The following NLRP11 variants were observed in gnomAD, a reference collection of about 807,000 sequenced individuals.
NLRP11 encodes the protein NLR family pyrin domain containing 11, also known as NACHT, LRR and PYD domains-containing protein 11.
Under a neutral mutation model 79.3 loss-of-function variants are expected in NLRP11, and 53 were observed. The ratio of observed to expected loss-of-function variants is 0.67; its 90% CI spans 0.54 to 0.84. The LOEUF is 0.84. Among genes scored for constraint, NLRP11 ranks in the 40% least tolerant of loss-of-function variants. The pLI is 0.00. For synonymous variants in NLRP11, 518 were observed against 462.6 expected (o/e 1.12, Z -1.54); for missense variants, 1,264 against 1,255.0 (o/e 1.01, Z -0.11).
intron 1 of NLRP11, among the ~76,000 whole-genome samples, chr19:55,820,266 C>T (rs1981557718): frequency 6.6e-6 from 1 of 152,124 alleles, no homozygotes; most frequent in Admixed American, 6.6e-5. Context: ...CGCATGCACC[C>T]AGGGAGTCGC....
At chr19:55,833,711 T>C (rs2122963051), upstream of NLRP11, among the ~76,000 whole-genome samples, 3 of 130,078 alleles carry the variant, frequency 2.3e-5, 1 homozygote, top group Middle Eastern at 0.015. Context: ...GAGCTTGCAG[T>C]GAGCCGAGAT....
At chr19:55,808,981 C>T (rs1568636045) in exon 3 of NLRP11, 1 of 1,614,074 alleles carries the variant, frequency 6.2e-7, no homozygotes, top group Non-Finnish European at 8.5e-7. Flanking sequence ...AAAACAAAGG[C>T]ATATGGTGCG....
upstream of NLRP11, among the ~76,000 whole-genome samples, chr19:55,834,121 CAT>C (rs536196761): frequency 1.2e-4 from 18 of 152,256 alleles, no homozygotes; most frequent in East Asian, 3.1e-3. Flanking sequence ...ATTTATAAAA[CAT>C]AAAGTACATT....
At chr19:55,787,067 C>T (rs1989924367) in intron 9 of NLRP11, among the ~76,000 whole-genome samples, 1 of 152,162 alleles carries the variant, frequency 6.6e-6, no homozygotes, top group South Asian at 2.1e-4. Context: ...AAAAATTGGA[C>T]ATGAGTGGGA....
intron 2 of NLRP11, among the ~76,000 whole-genome samples, chr19:55,813,263 G>GGTTGCA: frequency 6.6e-6 from 1 of 152,278 alleles, no homozygotes; most frequent in South Asian, 2.1e-4. Context: ...AGGAAGCAGA[G>GGTTGCA]GTTGCAGTGA....
At chr19:55,786,881 T>C (rs1029636966) in intron 9 of NLRP11, among the ~76,000 whole-genome samples, 1 of 152,200 alleles carries the variant, frequency 6.6e-6, no homozygotes, top group African/African-American at 2.4e-5. Flanking sequence ...AAATTTGTAA[T>C]GTTTATGGGT....
intron 4 of NLRP11, 47 bp downstream of exon 4, chr19:55,807,806 G>A (rs758695251): frequency 1.9e-5 from 25 of 1,350,446 alleles, no homozygotes; most frequent in African/African-American, 2.9e-5. Flanking sequence ...AAAGACCACC[G>A]TTATTCCTAG....
intron 1 of NLRP11, among the ~76,000 whole-genome samples, chr19:55,822,371 G>A (rs1057041535): frequency 3.9e-5 from 6 of 152,194 alleles, no homozygotes; most frequent in African/African-American, 1.4e-4. Flanking sequence ...AAAAATTTTA[G>A]AACTGAGGCT....
In NLRP11 at chr19:55,809,613, C is replaced by G. The variant is rs1434682989; in HGVS notation, c.997G>C (p.Val333Leu). ...AAGATGGCGACTCGGCACAGACCCA[C>G]GAGTATTTCATCCTCATGTACAAGC... is the stretch of plus-strand genomic sequence containing the variant. Residue 333 changes from valine (V) to leucine (L), a missense_variant, in exon 3 of 10, where the codon GTG becomes CTG. Coordinates refer to ENST00000589093, the Ensembl canonical transcript of NLRP11. This position sits in a 1 kb window ranked among gnomAD's most constrained non-coding sequence, Gnocchi z 4.5. 1.9e-6 allele frequency: 3 copies of G among 1,614,190 alleles called. No homozygotes were observed. Among genetic ancestry groups the G allele is most frequent in the South Asian group, 1.1e-5 (1 of 91,080 alleles).
chr19:55,817,982 T>C (rs1264841283), exon 2 of NLRP11: 1 of 1,613,346 alleles, frequency 6.2e-7, no homozygotes. Flanking sequence ...ATATTCCATA[T>C]ATACTGTCCC....
At chr19:55,811,533 C>A (rs543176054) in intron 2 of NLRP11, among the ~76,000 whole-genome samples, 230 of 152,220 alleles carry the variant, frequency 1.5e-3, no homozygotes, top group African/African-American at 4.5e-3. Context: ...TGGCTCCCCC[C>A]CAGTGGAGAT....
intron 1 of NLRP11, among the ~76,000 whole-genome samples, chr19:55,823,155 T>G (rs566957552): frequency 2.0e-5 from 3 of 146,494 alleles, no homozygotes; most frequent in East Asian, 4.1e-4. Flanking sequence ...AGGAGCACAC[T>G]GACACCTCAC....
exon 10 of NLRP11, chr19:55,785,764 C>T: frequency 6.2e-7 from 1 of 1,614,116 alleles, no homozygotes; most frequent in South Asian, 1.1e-5. Flanking sequence ...AATTTCTCTG[C>T]CTTCCTTTAA....
chr19:55,819,081 C>T (rs941237617), intron 1 of NLRP11, among the ~76,000 whole-genome samples: 22 of 151,350 alleles, frequency 1.5e-4, no homozygotes, highest in Admixed American at 2.6e-4. Flanking sequence ...TTGGAGCTCT[C>T]GGACCCAGGA....
chr19:55,788,833 G>A (rs1427562614), exon 9 of NLRP11: 3 of 1,612,678 alleles, frequency 1.9e-6, no homozygotes, highest in Non-Finnish European at 2.5e-6. Flanking sequence ...CACAATCTGG[G>A]CTGATCAAGC....
At chr19:55,821,932 G>C (rs189504533) in intron 1 of NLRP11, among the ~76,000 whole-genome samples, 260 of 152,304 alleles carry the variant, frequency 1.7e-3, no homozygotes, top group African/African-American at 6.1e-3. Context: ...TTGCCAAGAG[G>C]TCAGTTCTTT....
intron 1 of NLRP11, among the ~76,000 whole-genome samples, chr19:55,823,662 A>T (rs1982034503): frequency 6.7e-6 from 1 of 148,462 alleles, no homozygotes; most frequent in Non-Finnish European, 1.5e-5. Context: ...AAAGGGTATC[A>T]GCAATGGAAG....
chr19:55,830,399 A>C (rs895162498), intron 1 of NLRP11, among the ~76,000 whole-genome samples: 12 of 152,296 alleles, frequency 7.9e-5, no homozygotes, highest in African/African-American at 2.9e-4. Context: ...CAAACAGTCC[A>C]TATTTCCCTA....
rs58239530 is a variant in NLRP11 at position 55,788,741 on chromosome 19, C to CAAAAAAAAAAAAA, written c.2855+53_2855+65dup. On this transcript the variant is annotated intron_variant, in intron 9 of 9. Coordinates refer to ENST00000589093, the Ensembl canonical transcript of NLRP11. The stretch of plus-strand genomic sequence containing the variant: ...GGCAACAGAGTGAGACTCTGTCTCT[C>CAAAAAAAAAAAAA]AAAAAAAAAAAAAAAAAAAAAAAAA... The CAAAAAAAAAAAAA allele has an allele frequency of 1.6e-5, 6 of 380,464 alleles. No individual in the cohort carries two copies. The African/African-American group carries it at 2.4e-4, about 15-fold the overall frequency. 23.6% of individuals were successfully genotyped at this position (380,464 alleles called of 1,614,324 possible). A position where few individuals can be genotyped will look rare whatever the true frequency, so the allele number is the denominator to read the frequency against.
Sources: gnomAD v4.1 joint callset for allele counts (sites outside exome capture counted in the v4.1 genomes callset) on GRCh38, gnomAD v4.1.1 for gene constraint, Gnocchi (gnomAD v3.1) non-coding constraint, MANE v1.5 for transcripts, NCBI Gene and HGNC (gene_info 2026-07-23, HGNC 2026-07-21) for gene names.